The following CD44 variants were observed in gnomAD, a reference collection of about 807,000 sequenced individuals.
CD44 encodes CD44 antigen.
A neutral mutation model predicts 88.8 loss-of-function variants in CD44; 49 were observed. The observed-to-expected ratio is 0.55, with a 90% confidence interval of 0.44 to 0.70. The LOEUF is 0.70. CD44 is among the 30% of genes least tolerant of loss of function. CD44 has a pLI of 0.00. For synonymous variants in CD44, 325 were observed against 312.3 expected, an observed-to-expected ratio of 1.04 and a Z score of -0.43; for missense variants, 883 against 913.8, an observed-to-expected ratio of 0.97 and a Z score of 0.43.
chr11:35,188,455 T>C (rs1945916165), intron 4 of CD44, among the ~76,000 whole-genome samples: 2 of 152,206 alleles, frequency 1.3e-5, no homozygotes, highest in African/African-American at 4.8e-5. Context: ...AAAGACACTA[T>C]GTCTAATGTA....
rs1015625210 is a variant in CD44 at position 35,149,983 on chromosome 11, A to G, written c.67+10613A>G. Among the ~76,000 whole-genome samples, 4 of 152,232 alleles carry G rather than the reference A, an allele frequency of 2.6e-5. No homozygotes were observed. The South Asian group carries it at 8.3e-4, about 31-fold the overall frequency. ...AGCTCTGGCCAGAGAAGTTAGGAAC[A>G]TGTCCCAGTCACACAACTGAAACTG... is the stretch of plus-strand genomic sequence containing the variant. On this transcript the variant is annotated intron_variant, in intron 1 of 17. Transcript: ENST00000428726.
intron 13 of CD44, 131 bp downstream of exon 13, chr11:35,210,185 C>A (rs905451652): frequency 3.7e-6 from 2 of 544,234 alleles, no homozygotes; most frequent in African/African-American, 4.0e-5. Context: ...TCAAAAGGTG[C>A]GTCTGGTGGT....
At chr11:35,203,108 C>G (rs780564936) in intron 9 of CD44, among the ~76,000 whole-genome samples, 1 of 152,064 alleles carries the variant, frequency 6.6e-6, no homozygotes, top group African/African-American at 2.4e-5. Context: ...TGAATATTTG[C>G]GAAACTCAAA....
At chr11:35,218,177 C>T (rs895646917) in intron 15 of CD44, among the ~76,000 whole-genome samples, 2 of 152,140 alleles carry the variant, frequency 1.3e-5, no homozygotes, top group Non-Finnish European at 2.9e-5. Flanking sequence ...TGCGATACTT[C>T]CTCCCAGTTT....
At chr11:35,188,933 A>C (rs1205356555) in intron 4 of CD44, among the ~76,000 whole-genome samples, 1 of 151,772 alleles carries the variant, frequency 6.6e-6, no homozygotes, top group Non-Finnish European at 1.5e-5. Context: ...GTGAGACTCC[A>C]TCTCGAAAAA....
At chr11:35,163,896 C>A (rs1182076550) in intron 1 of CD44, among the ~76,000 whole-genome samples, 1 of 152,114 alleles carries the variant, frequency 6.6e-6, no homozygotes, top group South Asian at 2.1e-4. Context: ...TGCCTCACCC[C>A]CTGCTGGTGC....
rs558606380 is a variant in CD44, at chr11:35,146,186, T to C, written c.67+6816T>C. On this transcript the variant is annotated intron_variant, in intron 1 of 17. Transcript: ENST00000428726. The stretch of plus-strand genomic sequence containing the variant: ...CGAAGTGCAAGTGTGGGCAGACAGA[T>C]CTCAGGTGGGTGGGGAGGGACTGAG... 2.0e-5 allele frequency among the ~76,000 whole-genome samples: 3 copies of C among 152,096 alleles called. No individual in the cohort carries two copies. The South Asian group carries it at 6.2e-4, about 32-fold the overall frequency.
chr11:35,204,923 G>A (rs1027801909), intron 10 of CD44: 6 of 305,996 alleles, frequency 2.0e-5, no homozygotes, highest in Admixed American at 4.8e-5. Context: ...CATCTAGTGA[G>A]ATTGTAGCAG....
chr11:35,181,863 AT>A (rs1945067544), intron 3 of CD44, among the ~76,000 whole-genome samples: 2 of 45,800 alleles, frequency 4.4e-5, no homozygotes, highest in African/African-American at 1.3e-4. Context: ...ATATAAATTT[AT>A]ATATATATAT....
At chr11:35,219,149 T>TG (rs993185225) in intron 15 of CD44, 167 bp from the exon 16 acceptor site, 47 of 609,062 alleles carry the variant, frequency 7.7e-5, no homozygotes, top group African/African-American at 2.8e-4. Flanking sequence ...TCAAATGAGG[T>TG]GGGGGGGAAA....
intron 14 of CD44, among the ~76,000 whole-genome samples, chr11:35,211,778 C>T (rs537700906): frequency 6.6e-6 from 1 of 152,074 alleles, no homozygotes; most frequent in South Asian, 2.1e-4. Flanking sequence ...AGTTGAACCA[C>T]ATGAAACTGA....
At chr11:35,188,311 G>C (rs2133864320) in intron 4 of CD44, among the ~76,000 whole-genome samples, 1 of 152,308 alleles carries the variant, frequency 6.6e-6, no homozygotes, top group South Asian at 2.1e-4. Flanking sequence ...TACGACATGA[G>C]ATGTGCTGTC....
At chr11:35,178,325 G>T (rs888337839) in intron 2 of CD44, among the ~76,000 whole-genome samples, 1 of 152,194 alleles carries the variant, frequency 6.6e-6, no homozygotes, top group Non-Finnish European at 1.5e-5. Flanking sequence ...TTAGATGCTG[G>T]GAGCCCTACT....
intron 1 of CD44, among the ~76,000 whole-genome samples, chr11:35,175,053 G>A (rs187986249): frequency 1.7e-3 from 261 of 152,280 alleles, no homozygotes; most frequent in Non-Finnish European, 3.0e-3. Context: ...GTGAGGTGAC[G>A]TGGAGTTAAA....
intron 11 of CD44, among the ~76,000 whole-genome samples, chr11:35,206,670 G>GGGT (rs1554971934): frequency 4.9e-5 from 7 of 142,428 alleles, no homozygotes; most frequent in South Asian, 2.3e-4. Flanking sequence ...GGGGGTTGGT[G>GGGT]GGGGGGGCAG....
intron 1 of CD44, among the ~76,000 whole-genome samples, chr11:35,160,224 C>T (rs989259455): frequency 5.3e-5 from 8 of 152,206 alleles, no homozygotes; most frequent in African/African-American, 1.7e-4. Flanking sequence ...ATCACTGGGA[C>T]AGTGTGTAGC....
intron 5 of CD44, among the ~76,000 whole-genome samples, chr11:35,195,187 A>G (rs1343234164): frequency 6.6e-6 from 1 of 152,224 alleles, no homozygotes; most frequent in African/African-American, 2.4e-5. Context: ...GATTACAAGG[A>G]CACCCTCATT....
At chr11:35,208,749 A>G (rs1948127077) in intron 12 of CD44, among the ~76,000 whole-genome samples, 2 of 152,302 alleles carry the variant, frequency 1.3e-5, no homozygotes, top group Admixed American at 6.5e-5. Context: ...ATCTCTTTCT[A>G]TCACTAAGAA....
chr11:35,171,374 C>A (rs776629313), intron 1 of CD44, among the ~76,000 whole-genome samples: 2 of 152,204 alleles, frequency 1.3e-5, no homozygotes, highest in Non-Finnish European at 2.9e-5. Flanking sequence ...AGGAGTTGGA[C>A]TTTCTCATGA....
Sources: allele counts gnomAD v4.1 joint callset (sites outside exome capture counted in the v4.1 genomes callset), GRCh38; gene constraint gnomAD v4.1.1; transcripts MANE v1.5; gene names NCBI Gene and HGNC (gene_info 2026-07-23, HGNC 2026-07-21).